Variants in NCK1 observed in about 807,000 individuals in gnomAD.
NCK1 encodes the protein SH2/SH3 adapter protein NCK1.
NCK1 carries 19 observed loss-of-function variants against 36.6 expected under a neutral mutation model. The observed-to-expected ratio is 0.52, with a 90% CI of 0.36 to 0.76. The LOEUF is 0.76. Ranked by LOEUF, NCK1 falls within the 30% of genes least tolerant of loss-of-function variation. The pLI is 0.00. For missense variants in NCK1, 358 were observed against 445.6 expected, an observed-to-expected ratio of 0.80 and a Z score of 1.77; for synonymous variants, 165 against 156.0, an observed-to-expected ratio of 1.06 and a Z score of -0.43.
chr3:136,891,664 AG>A (rs911224900), intron 1 of NCK1, among the ~76,000 whole-genome samples: 2 of 152,206 alleles, frequency 1.3e-5, no homozygotes, highest in Non-Finnish European at 2.9e-5. Context: ...GCAGTGCACA[AG>A]GGTTCTAATT....
In NCK1 at chr3:136,862,267, G is replaced by C. The variant is rs988101565; in HGVS notation, c.-105G>C. 6.6e-6 allele frequency: 1 copy of C among 152,630 alleles called. No homozygotes were observed. The highest frequency in any genetic ancestry group is 1.5e-5 in the Non-Finnish European group (1 of 68,172). The allele number at this position is 152,630 out of a possible 1,614,324, so 9.5% of individuals were successfully genotyped here. ...GCGGCGGCGGCGGAGCGCAGGCCTC[G>C]TGCCGTTACGGCCATCACGGCGGCC... On this transcript the variant is annotated 5_prime_UTR_variant, in exon 1 of 4. Coordinates refer to ENST00000481752, the MANE Select transcript of NCK1 (RefSeq NM_001291999.2).
At chr3:136,865,119 G>C (rs1938376247) in intron 1 of NCK1, among the ~76,000 whole-genome samples, 2 of 152,052 alleles carry the variant, frequency 1.3e-5, no homozygotes, top group Admixed American at 1.3e-4. Context: ...CACCACGCCT[G>C]ACTAATTTTT....
At chr3:136,940,826 T>C (rs1297040939) in intron 2 of NCK1, among the ~76,000 whole-genome samples, 1 of 152,118 alleles carries the variant, frequency 6.6e-6, no homozygotes, top group African/African-American at 2.4e-5. Context: ...ATTACAGGCA[T>C]GAGACACCGC....
intron 2 of NCK1, among the ~76,000 whole-genome samples, chr3:136,937,251 T>C (rs1940555200): frequency 1.3e-5 from 2 of 152,204 alleles, no homozygotes; most frequent in African/African-American, 2.4e-5. Context: ...CTTGGCACCA[T>C]TGATGAAAAT....
chr3:136,928,812 C>T (rs955262810), intron 2 of NCK1: 2 of 141,300 alleles, frequency 1.4e-5, no homozygotes, highest in Admixed American at 1.5e-4. Context: ...CTGGACTTGG[C>T]TAAGCTGATA....
chr3:136,935,175 A>G (rs1940498782), intron 2 of NCK1, among the ~76,000 whole-genome samples: 1 of 152,170 alleles, frequency 6.6e-6, no homozygotes, highest in Admixed American at 6.5e-5. Context: ...TGCTGGGATT[A>G]CAGTGTGAGC....
At chr3:136,907,094 C>A (rs1939706410) in intron 1 of NCK1, among the ~76,000 whole-genome samples, 1 of 152,142 alleles carries the variant, frequency 6.6e-6, no homozygotes, top group Non-Finnish European at 1.5e-5. Context: ...TGGGAGCATT[C>A]ATAGGCAGGT....
intron 1 of NCK1, among the ~76,000 whole-genome samples, chr3:136,866,914 G>T (rs1231617341): frequency 7.3e-6 from 1 of 136,848 alleles, no homozygotes; most frequent in African/African-American, 2.7e-5. Flanking sequence ...TGCCCGTCCA[G>T]TTTGCCTAGT....
chr3:136,863,572 T>C (rs1938312333), intron 1 of NCK1, among the ~76,000 whole-genome samples: 1 of 152,232 alleles, frequency 6.6e-6, no homozygotes, highest in South Asian at 2.1e-4. Flanking sequence ...TGGTGCTTTC[T>C]TTTCATCTTG....
At position 136,945,565 on chromosome 3, in the gene NCK1, C is replaced by T; in HGVS notation, c.227-18C>T. ...TTTTTTTATATTCTCCTCTCATGGCCCTTTTTAATTTCAACAGGCATTGGA... is the reference window on the plus strand; with the variant it reads ...TTTTTTTATATTCTCCTCTCATGGCTCTTTTTAATTTCAACAGGCATTGGA... On this transcript the variant is annotated intron_variant, in intron 2 of 3. Transcript: ENST00000481752. 1 of 1,524,550 alleles carries T rather than the reference C, an allele frequency of 6.6e-7. No homozygotes were observed. 94.4% of individuals were successfully genotyped at this position (1,524,550 alleles called of 1,614,324 possible).
intron 1 of NCK1, among the ~76,000 whole-genome samples, chr3:136,890,167 A>C (rs1436483319): frequency 6.6e-6 from 1 of 152,148 alleles, no homozygotes; most frequent in Non-Finnish European, 1.5e-5. Flanking sequence ...GAGGCCCGGC[A>C]AGAAATCGAG....
intron 1 of NCK1, among the ~76,000 whole-genome samples, chr3:136,900,689 A>C (rs1348194302): frequency 6.6e-6 from 1 of 152,132 alleles, no homozygotes; most frequent in African/African-American, 2.4e-5. Context: ...ATATAGAAAC[A>C]GGTTTTGTAT....
chr3:136,881,607 T>G (rs1277035064), intron 1 of NCK1, among the ~76,000 whole-genome samples: 1 of 152,222 alleles, frequency 6.6e-6, no homozygotes, highest in Non-Finnish European at 1.5e-5. Context: ...ATATTCACAT[T>G]GTTGTACAAC....
chr3:136,940,219 A>G (rs1940636085), intron 2 of NCK1, among the ~76,000 whole-genome samples: 1 of 152,122 alleles, frequency 6.6e-6, no homozygotes, highest in African/African-American at 2.4e-5. Context: ...TATTCCATGT[A>G]TACTTGAGAA....
At chr3:136,944,849 T>C (rs1940770193) in intron 2 of NCK1, among the ~76,000 whole-genome samples, 1 of 152,172 alleles carries the variant, frequency 6.6e-6, no homozygotes, top group Admixed American at 6.5e-5. Flanking sequence ...AGCGTACATT[T>C]GTATTGATAG....
At chr3:136,889,211 C>T (rs1267925870) in intron 1 of NCK1, 2 of 155,568 alleles carry the variant, frequency 1.3e-5, no homozygotes, top group Non-Finnish European at 1.4e-5. Context: ...TTCTAAGGTT[C>T]ATCCATGTTA....
rs143201082 is a variant in NCK1 at position 136,883,168 on chromosome 3, A to G, written c.-19+20815A>G. Among the ~76,000 whole-genome samples the G allele has an allele frequency of 1.9e-4, 29 of 152,104 alleles. No individual in the cohort carries two copies. The East Asian group carries it at 4.3e-3, about 22-fold the overall frequency. ...ACTACTGGCGTCATGTGATCTGTCC[A>G]CCTTGGCCTCCCAAAGTGCTGGGAT... On this transcript the variant is annotated intron_variant, in intron 1 of 3. Transcript: ENST00000481752.
chr3:136,935,898 C>G (rs1329417996), intron 2 of NCK1, among the ~76,000 whole-genome samples: 1 of 152,042 alleles, frequency 6.6e-6, no homozygotes, highest in African/African-American at 2.4e-5. Context: ...ATGGATTTAC[C>G]TATTCTGGAT....
chr3:136,862,798 G>A (rs1319860620), intron 1 of NCK1, among the ~76,000 whole-genome samples: 3 of 152,252 alleles, frequency 2.0e-5, no homozygotes, highest in Non-Finnish European at 4.4e-5. Flanking sequence ...CAGCCCGAGA[G>A]GAGGGGAGGC....
Sources: gnomAD v4.1 joint callset for allele counts (sites outside exome capture counted in the v4.1 genomes callset) on GRCh38, gnomAD v4.1.1 for gene constraint, MANE v1.5 for transcripts, NCBI Gene and HGNC (gene_info 2026-07-23, HGNC 2026-07-21) for gene names.